ABCC3: variants seen among roughly 807,000 people sequenced by gnomAD.
ABCC3 encodes ATP-binding cassette sub-family C member 3.
Under a neutral mutation model 165.3 loss-of-function variants are expected in ABCC3, and 121 were observed. That is an observed-to-expected ratio of 0.73 (90% confidence interval 0.63 to 0.85). ABCC3 has a LOEUF of 0.85. Ranked by LOEUF, ABCC3 falls within the 40% of genes least tolerant of loss-of-function variation. The probability of loss-of-function intolerance (pLI) is 0.00; values close to 1 mark genes in which losing one functional copy is unlikely to be tolerated. For missense variants in ABCC3, 1,869 were observed against 1,964.1 expected (o/e 0.95, Z 0.92); for synonymous variants, 733 against 810.1 (o/e 0.90, Z 1.62).
At position 50,663,779 on chromosome 17, in the gene ABCC3, T is replaced by A; in HGVS notation, c.1097T>A (p.Ile366Asn). The change falls in exon 9 of 31, where the codon ATC becomes AAC. Residue 366 changes from isoleucine to asparagine, a missense_variant. Coordinates refer to ENST00000285238, the MANE Select transcript of ABCC3 (RefSeq NM_003786.4). ...MFLCSMMQSL[I>N]LQHYYHYIFV... ...CTGTGCTCCATGATGCAGTCGCTGA[T>A]CTTACAACACTATTACCACTACATC... The A allele has an allele frequency of 6.2e-7, 1 of 1,614,214 alleles. No homozygotes were observed. The highest frequency in any genetic ancestry group is 8.5e-7 in the Non-Finnish European group (1 of 1,180,044).
At chr17:50,635,418 C>T (rs758073131) in intron 1 of ABCC3, 6 of 698,044 alleles carry the variant, frequency 8.6e-6, no homozygotes, top group South Asian at 1.5e-5. Flanking sequence ...GCATGGATTG[C>T]CCCCAGGGCA....
At chr17:50,644,024 G>A (rs1452299565) in intron 1 of ABCC3, among the ~76,000 whole-genome samples, 1 of 152,162 alleles carries the variant, frequency 6.6e-6, no homozygotes, top group Admixed American at 6.5e-5. Context: ...ATTAAGAAGG[G>A]AAGGCAGGCC....
Position 50,663,714 on chromosome 17 carries a change from C to G in ABCC3, c.1032C>G (p.Ala344=). The G allele has an allele frequency of 6.2e-7, 1 of 1,614,176 alleles. No homozygotes were observed. The highest frequency in any genetic ancestry group is 8.5e-7 in the Non-Finnish European group (1 of 1,180,030). Residue 344 remains alanine (A), a synonymous_variant, in exon 9 of 31, where the codon GCC becomes GCG. Coordinates refer to ENST00000285238, the MANE Select transcript of ABCC3 (RefSeq NM_003786.4). ...TCAGGTTTATCTCCAACCCCATGGCCCCCTCCTGGTGGGGCTTCCTGGTGG... is the reference window on the plus strand; with the variant it reads ...TCAGGTTTATCTCCAACCCCATGGCGCCCTCCTGGTGGGGCTTCCTGGTGG... ...ILIRFISNPM[A]PSWWGFLVAG...
chr17:50,644,901 T>C (rs1408109138), intron 1 of ABCC3, among the ~76,000 whole-genome samples: 3 of 151,768 alleles, frequency 2.0e-5, no homozygotes, highest in African/African-American at 7.3e-5. Flanking sequence ...GCCTGTAGTC[T>C]CAGCCAATCA....
chr17:50,667,240 A>G (rs1310683516), intron 11 of ABCC3, among the ~76,000 whole-genome samples: 1 of 152,020 alleles, frequency 6.6e-6, no homozygotes, highest in Non-Finnish European at 1.5e-5. Context: ...TAATACTAGC[A>G]ATAATAATAA....
intron 19 of ABCC3, among the ~76,000 whole-genome samples, chr17:50,673,993 T>TTC: frequency 2.7e-4 from 2 of 7,520 alleles, no homozygotes; most frequent in Admixed American, 1.6e-3. Context: ...TCTCTCTCTC[T>TTC]CTCTCTCTCT....
intron 19 of ABCC3, 47 bp from the exon 20 acceptor site, chr17:50,675,315 A>G: frequency 7.1e-7 from 1 of 1,405,138 alleles, no homozygotes. Flanking sequence ...AGGGGCTTGC[A>G]GGGAGAACTA....
Position 50,679,792 on chromosome 17 carries a change from G to T in ABCC3, c.3706-6G>T, listed in dbSNP as rs1967895834. 3.7e-6 allele frequency: 6 copies of T among 1,613,698 alleles called. No homozygotes were observed. Among genetic ancestry groups the T allele is most frequent in the Non-Finnish European group, 5.1e-6 (6 of 1,179,650 alleles). ...GCCATACGTATAACCCAGTCCCTTTGGCCAGGTGACATTTGCTCTGAACTG... is the reference window on the plus strand; with the variant it reads ...GCCATACGTATAACCCAGTCCCTTTTGCCAGGTGACATTTGCTCTGAACTG... On this transcript the variant is annotated splice_region_variant and splice_polypyrimidine_tract_variant and intron_variant, in intron 25 of 30. Transcript: ENST00000285238.
chr17:50,680,940 G>A (rs1989283), intron 26 of ABCC3, among the ~76,000 whole-genome samples: 25,720 of 152,028 alleles, frequency 0.17, 3,518 homozygotes, highest in East Asian at 0.37. Context: ...GCTGGGCGTG[G>A]TGGTGCACAC....
chr17:50,637,841 T>C (rs1234976707), intron 1 of ABCC3, among the ~76,000 whole-genome samples: 1 of 152,232 alleles, frequency 6.6e-6, no homozygotes. Context: ...TGGGAAGACC[T>C]GCAGGGAAAG....
intron 17 of ABCC3, among the ~76,000 whole-genome samples, chr17:50,671,937 G>T (rs183537295): frequency 6.6e-6 from 1 of 151,782 alleles, no homozygotes; most frequent in African/African-American, 2.4e-5. Flanking sequence ...GGCCATGCTG[G>T]TCTTGAACTC....
rs1444741177 is a variant in ABCC3, at chr17:50,655,414, AAAAAAAAC to A, written c.46-412_46-405del. Reference sequence around the variant, plus strand: ...AGTGAGACTCTGTCTCAAAAAAAAAAAAAAAAACAAAAACAAAAAAAAAAGAGTGGGAA... The same window carrying A: ...AGTGAGACTCTGTCTCAAAAAAAAAAAAAAACAAAAAAAAAAGAGTGGGAA... On this transcript the variant is annotated intron_variant, in intron 1 of 30. Transcript: ENST00000285238. 2.4e-3 allele frequency among the ~76,000 whole-genome samples: 360 copies of A among 149,274 alleles called. 7 individuals carry two copies. Among genetic ancestry groups the A allele is most frequent in the African/African-American group, 8.3e-3 (339 of 40,766 alleles).
chr17:50,635,288 C>CT, intron 1 of ABCC3: 1 of 621,530 alleles, frequency 1.6e-6, no homozygotes, highest in Non-Finnish European at 2.9e-6. Context: ...CTGGGTGAGT[C>CT]GGCTCCATCC....
chr17:50,688,729 A>G (rs1240368212), intron 30 of ABCC3, among the ~76,000 whole-genome samples: 2 of 151,628 alleles, frequency 1.3e-5, no homozygotes, highest in Non-Finnish European at 2.9e-5. Context: ...TCTACTAAAA[A>G]CAAAACAAAA....
chr17:50,635,085 C>T lies in ABCC3; in HGVS notation c.45+104C>T, dbSNP rs2054166040. 2.5e-6 allele frequency: 3 copies of T among 1,196,146 alleles called. No homozygotes were observed. In the African/African-American group the frequency reaches 4.7e-5, roughly 19 times the overall value. The allele number at this position is 1,196,146 out of a possible 1,614,324, so 74.1% of individuals were successfully genotyped here. Reference sequence around the variant, plus strand: ...CGCGGGGCCGGCAGGTATCCCGGGACGGAGCCCCTGAGACGGCCTGGGCGC... The same window carrying T: ...CGCGGGGCCGGCAGGTATCCCGGGATGGAGCCCCTGAGACGGCCTGGGCGC... On this transcript the variant is annotated intron_variant, in intron 1 of 30. Transcript: ENST00000285238.
chr17:50,686,026 T>A (rs1270006000), intron 29 of ABCC3, among the ~76,000 whole-genome samples: 1 of 152,076 alleles, frequency 6.6e-6, no homozygotes, highest in Non-Finnish European at 1.5e-5. Flanking sequence ...TGAAACCCTG[T>A]CTCTGCTAAA....
chr17:50,677,718 C>T (rs1214802263), intron 23 of ABCC3, 26 bp from the exon 24 acceptor site: 1 of 1,609,840 alleles, frequency 6.2e-7, no homozygotes, highest in Non-Finnish European at 8.5e-7. Flanking sequence ...ATGGCCCTGA[C>T]CCCAAACTCC....
In ABCC3 at chr17:50,675,344, C is replaced by A; in HGVS notation, c.2600-18C>A. ...AGAACTAGCTGAACCCTATCTCCTT[C>A]CTCCCACCCTACTGCAGCGTTGGAA... On this transcript the variant is annotated intron_variant, in intron 19 of 30. Transcript: ENST00000285238. 1 of 1,588,066 alleles carries A rather than the reference C, an allele frequency of 6.3e-7. No homozygotes were observed. Among genetic ancestry groups the A allele is most frequent in the Non-Finnish European group, 8.6e-7 (1 of 1,163,366 alleles).
chr17:50,635,202 T>C, intron 1 of ABCC3: 1 of 624,410 alleles, frequency 1.6e-6, no homozygotes, highest in Non-Finnish European at 2.8e-6. Context: ...TGCTCTGCCC[T>C]TCCCGGCTGC....
Sources: gnomAD v4.1 joint callset for allele counts (sites outside exome capture counted in the v4.1 genomes callset) on GRCh38, gnomAD v4.1.1 for gene constraint, MANE v1.5 for transcripts, NCBI Gene and HGNC (gene_info 2026-07-23, HGNC 2026-07-21) for gene names.